ATP5F1A: variants seen among roughly 807,000 people sequenced by gnomAD.
ATP5F1A encodes the protein ATP synthase F(1) complex subunit alpha, mitochondrial.
ATP5F1A carries 24 observed loss-of-function variants against 57.4 expected under a neutral mutation model. The observed-to-expected ratio is 0.42, with a 90% CI of 0.30 to 0.59. The LOEUF is 0.59. Among genes scored for constraint, ATP5F1A ranks in the 20% least tolerant of loss-of-function variants. The pLI is 0.19. For synonymous variants in ATP5F1A, 251 were observed against 255.5 expected, an observed-to-expected ratio of 0.98 and a Z score of 0.17; for missense variants, 494 against 707.9, an observed-to-expected ratio of 0.70 and a Z score of 3.43.
rs1275356493 is a variant in ATP5F1A, at chr18:46,098,200, A to C, written c.32T>G (p.Val11Gly). ...TCCGGCCCGCCGAGGAAGGGCGCGG[A>C]CCACGGCCGCAGCAACGCGCACGGA... MLSVRVAAAV[V>G]RALPRRAGLV... Residue 11 changes from valine (V) to glycine (G), a missense_variant, in exon 1 of 12, where the codon GTC becomes GGC. By Grantham distance (109) the Val-to-Gly change is moderately radical. Around this residue, in one of 6 missense-constraint regions of ATP5F1A, gnomAD observed 142 missense variants for 137.5 expected, o/e 1.03. Coordinates refer to ENST00000398752, the MANE Select transcript of ATP5F1A (RefSeq NM_004046.6). 1 of 1,606,696 alleles carries C rather than the reference A, an allele frequency of 6.2e-7. No homozygotes were observed. Among genetic ancestry groups the C allele is most frequent in the Middle Eastern group, 1.7e-4 (1 of 6,024 alleles).
Position 46,086,109 on chromosome 18 carries a change from T to G in ATP5F1A, c.1429+4A>C. On this transcript the variant is annotated splice_donor_region_variant and intron_variant, in intron 10 of 11. Coordinates refer to ENST00000398752, the MANE Select transcript of ATP5F1A (RefSeq NM_004046.6). ...CTGACCAAATGAAGAAAAGAACAAC[T>G]TACAATACTGTCCTTGCTTCAGCAA... 1 of 1,611,678 alleles carries G rather than the reference T, an allele frequency of 6.2e-7. No homozygotes were observed. Among genetic ancestry groups the G allele is most frequent in the Non-Finnish European group, 8.5e-7 (1 of 1,179,784 alleles).
upstream of ATP5F1A, among the ~76,000 whole-genome samples, chr18:46,100,571 G>A (rs538163469): frequency 6.6e-6 from 1 of 151,514 alleles, no homozygotes; most frequent in Non-Finnish European, 1.5e-5. Context: ...GATCACACCG[G>A]AACACTCCAG....
chr18:46,085,933 CAA>C (rs34456835), intron 10 of ATP5F1A, 178 bp downstream of exon 10: 2,232 of 591,232 alleles, frequency 3.8e-3, no homozygotes, highest in East Asian at 7.2e-3. Flanking sequence ...AACTTCGTCT[CAA>C]AAAAAAAAAA....
rs8089821 is a variant in ATP5F1A, at chr18:46,094,838, A to G, written c.139+215T>C. On this transcript the variant is annotated intron_variant, in intron 2 of 11. Transcript: ENST00000398752. ...TTACCAGAACAAAGAAGCCATACTAATATCAAAAGAAAAATATGTAACAGT... is the reference window on the plus strand; with the variant it reads ...TTACCAGAACAAAGAAGCCATACTAGTATCAAAAGAAAAATATGTAACAGT... The G allele has an allele frequency of 0.014, 9,018 of 622,970 alleles. 588 individuals are homozygous for G. Among genetic ancestry groups the G allele is most frequent in the African/African-American group, 0.14 (7,541 of 52,770 alleles). 38.6% of individuals were successfully genotyped at this position (622,970 alleles called of 1,614,324 possible). A position where few individuals can be genotyped will look rare whatever the true frequency, so the allele number is the denominator to read the frequency against.
rs1386849008 is a variant in ATP5F1A at position 46,091,553 on chromosome 18, TAAC to T, written c.309+126_309+128del. The stretch of plus-strand genomic sequence containing the variant: ...TTATTCTCTTTACAATCTATGATAA[TAAC>T]AAGAAAAAAATCTGAGGCAAATTAA... On this transcript the variant is annotated intron_variant, in intron 3 of 11. Transcript: ENST00000398752. 4.8e-6 allele frequency: 5 copies of T among 1,041,286 alleles called. No individual in the cohort carries two copies. In the African/African-American group the frequency reaches 8.1e-5, roughly 17 times the overall value. The allele number at this position is 1,041,286 out of a possible 1,614,324, so 64.5% of individuals were successfully genotyped here.
rs1240160168 is a variant in ATP5F1A at position 46,097,992 on chromosome 18, G to A, written c.60+180C>T. 2.8e-6 allele frequency: 4 copies of A among 1,409,620 alleles called. No homozygotes were observed. In the African/African-American group the frequency reaches 5.9e-5, roughly 21 times the overall value. The allele number at this position is 1,409,620 out of a possible 1,614,324, so 87.3% of individuals were successfully genotyped here. ...CTGCCCTGTACCATTCTGCCTCTGC[G>A]CAGGTGACGAGCAAAAGGGCACCTG... On this transcript the variant is annotated intron_variant, in intron 1 of 11. Coordinates refer to ENST00000398752, the MANE Select transcript of ATP5F1A (RefSeq NM_004046.6).
rs71938962 is a variant in ATP5F1A, at chr18:46,094,164, T to TAC, written c.139+887_139+888dup. ...CTGAACGTGGGGGTGTGTGTACACATACACACACACACACACACACACATA... is the reference window on the plus strand; with the variant it reads ...CTGAACGTGGGGGTGTGTGTACACATACACACACACACACACACACACACATA... On this transcript the variant is annotated intron_variant, in intron 2 of 11. Coordinates refer to ENST00000398752, the MANE Select transcript of ATP5F1A (RefSeq NM_004046.6). Among the ~76,000 whole-genome samples the TAC allele has an allele frequency of 4.0e-3, 597 of 149,138 alleles. 6 individuals are homozygous for TAC. The highest frequency in any genetic ancestry group is 0.01 in the Middle Eastern group (3 of 294).
At chr18:46,103,711 C>T (rs922636136) in intron 1 of ATP5F1A, among the ~76,000 whole-genome samples, 1 of 150,700 alleles carries the variant, frequency 6.6e-6, no homozygotes, top group East Asian at 1.9e-4. Context: ...GTTAGGAGTT[C>T]GAGACCAGCC....
upstream of ATP5F1A, among the ~76,000 whole-genome samples, chr18:46,099,815 A>G (rs1356037529): frequency 2.0e-5 from 3 of 152,200 alleles, no homozygotes; most frequent in Non-Finnish European, 4.4e-5. Flanking sequence ...TGAGGCAAAT[A>G]AATATCCGGG....
In ATP5F1A at chr18:46,087,460, T is replaced by A. The variant is rs1910196741; in HGVS notation, c.832A>T (p.Thr278Ser). The A allele has an allele frequency of 3.7e-6, 6 of 1,614,228 alleles. No homozygotes were observed. The highest frequency in any genetic ancestry group is 5.1e-6 in the Non-Finnish European group (6 of 1,180,034). The change falls in exon 7 of 12, where the codon ACG (threonine) becomes TCG (serine). Residue 278 changes from threonine (T) to serine (S), a missense_variant. Physicochemically the swap from Thr to Ser is moderately conservative, Grantham distance 58. This residue lies in a region of ATP5F1A where 191 missense variants were observed against 267.7 expected (regional missense o/e 0.71). Coordinates refer to ENST00000398752, the MANE Select transcript of ATP5F1A (RefSeq NM_004046.6). ...TGAAGTGGGGCAGCATCCGAGGCCGTAGCCGACACCACAATGGTGTACTTC... is the reference window on the plus strand; with the variant it reads ...TGAAGTGGGGCAGCATCCGAGGCCGAAGCCGACACCACAATGGTGTACTTC... ...AMKYTIVVSA[T>S]ASDAAPLQYL...
intron 10 of ATP5F1A, chr18:46,085,835 A>G: frequency 2.7e-6 from 1 of 372,426 alleles, no homozygotes; most frequent in Non-Finnish European, 4.8e-6. Context: ...AAGGAGGCTG[A>G]GGCAGGAGAA....
chr18:46,096,330 G>A (rs988239346), intron 1 of ATP5F1A, among the ~76,000 whole-genome samples: 6 of 151,640 alleles, frequency 4.0e-5, no homozygotes, highest in East Asian at 2.0e-4. Context: ...GAGAAACCCC[G>A]TCTCTACTAG....
intron 8 of ATP5F1A, chr18:46,086,795 CTA>C (rs1599770456): frequency 3.2e-6 from 2 of 627,864 alleles, no homozygotes; most frequent in Non-Finnish European, 5.5e-6. Context: ...AAAAATGAAA[CTA>C]GAACGAAACA....
chr18:46,095,631 T>C (rs1186850105), intron 1 of ATP5F1A, among the ~76,000 whole-genome samples: 7 of 151,834 alleles, frequency 4.6e-5, no homozygotes, highest in Non-Finnish European at 8.8e-5. Flanking sequence ...TTTTTTCTTT[T>C]TTGGGACAGG....
intron 1 of ATP5F1A, among the ~76,000 whole-genome samples, chr18:46,096,768 C>T (rs1391301622): frequency 2.7e-5 from 4 of 150,936 alleles, no homozygotes; most frequent in Admixed American, 6.6e-5. Context: ...GATCACCTGA[C>T]GTCAGGAGTT....
Position 46,094,873 on chromosome 18 carries a change from G to A in ATP5F1A, c.139+180C>T, listed in dbSNP as rs986448262. 13 of 962,334 alleles carry A rather than the reference G, an allele frequency of 1.4e-5. No homozygotes were observed. The African/African-American group carries it at 2.2e-4, about 16-fold the overall frequency. 59.6% of individuals were successfully genotyped at this position (962,334 alleles called of 1,614,324 possible). A position where few individuals can be genotyped will look rare whatever the true frequency, so the allele number is the denominator to read the frequency against. On this transcript the variant is annotated intron_variant, in intron 2 of 11. Coordinates refer to ENST00000398752, the MANE Select transcript of ATP5F1A (RefSeq NM_004046.6). ...AAAAATATGTAACAGTAGTTCATTT[G>A]ACTATAACAAGAGAACCATGACAGG...
intron 3 of ATP5F1A, among the ~76,000 whole-genome samples, chr18:46,091,440 C>G (rs117185724): frequency 1.2e-3 from 190 of 152,220 alleles, no homozygotes; most frequent in Admixed American, 2.5e-3. Flanking sequence ...AAAGTTTATT[C>G]AATTTTATAT....
chr18:46,091,759 C>T lies in ATP5F1A; in HGVS notation c.232G>A (p.Gly78Ser). ...CCATGTACGCGGGCAATACCATCAC[C>T]AATACTTAAGACACGCCCAGTTTCT... The part of the protein sequence containing the change: ...LEETGRVLSI[G>S]DGIARVHGLR... The change falls in exon 3 of 12, where the codon GGT becomes AGT. Residue 78 changes from glycine to serine, a missense_variant. By Grantham distance (56) the Gly-to-Ser change is moderately conservative. Around this residue, in one of 6 missense-constraint regions of ATP5F1A, gnomAD observed 142 missense variants for 137.5 expected, o/e 1.03. Coordinates refer to ENST00000398752, the MANE Select transcript of ATP5F1A (RefSeq NM_004046.6). The T allele has an allele frequency of 6.2e-7, 1 of 1,613,934 alleles. No individual in the cohort carries two copies. The highest frequency in any genetic ancestry group is 8.5e-7 in the Non-Finnish European group (1 of 1,179,978).
chr18:46,091,135 ACTCT>A (rs1252458140), intron 3 of ATP5F1A, among the ~76,000 whole-genome samples: 1 of 151,994 alleles, frequency 6.6e-6, no homozygotes, highest in Admixed American at 6.6e-5. Flanking sequence ...AGACAGTTCC[ACTCT>A]CTCTAGTTTA....
Sources: gnomAD v4.1 joint callset for allele counts (sites outside exome capture counted in the v4.1 genomes callset) on GRCh38, gnomAD v4.1.1 for gene constraint, gnomAD v4.1.1 regional missense constraint, MANE v1.5 for transcripts, NCBI Gene and HGNC (gene_info 2026-07-23, HGNC 2026-07-21) for gene names.